CD164: variants seen among roughly 807,000 people sequenced by gnomAD.
CD164 encodes the protein sialomucin core protein 24.
Under a neutral mutation model 24.6 loss-of-function variants are expected in CD164, and 11 were observed. The observed-to-expected ratio is 0.45, with a 90% confidence interval of 0.28 to 0.74. CD164 has a LOEUF of 0.74. Ranked by LOEUF, CD164 falls within the 30% of genes least tolerant of loss-of-function variation. CD164 has a pLI of 0.13. For missense variants in CD164, 295 were observed against 243.7 expected (o/e 1.21, Z -1.40); for synonymous variants, 126 against 100.3 (o/e 1.26, Z -1.53).
intron 1 of CD164, among the ~76,000 whole-genome samples, chr6:109,380,711 A>C (rs899060095): frequency 5.3e-5 from 8 of 152,236 alleles, no homozygotes; most frequent in African/African-American, 1.9e-4. Context: ...ACCACACTAC[A>C]TCCACTTATG....
In CD164 at chr6:109,376,039, G is replaced by C. The variant is rs554090332; in HGVS notation, c.370+35C>G. On this transcript the variant is annotated intron_variant, in intron 4 of 5. Transcript: ENST00000310786. ...TCCATCAAGAAAGCTTAAAAATACTGAAGGAAAAGGAAGAAAACAGTCATC... is the reference window on the plus strand; with the variant it reads ...TCCATCAAGAAAGCTTAAAAATACTCAAGGAAAAGGAAGAAAACAGTCATC... The C allele has an allele frequency of 1.1e-5, 16 of 1,510,462 alleles. No individual in the cohort carries two copies. The South Asian group carries it at 1.5e-4, about 14-fold the overall frequency. The allele number at this position is 1,510,462 out of a possible 1,614,324, so 93.6% of individuals were successfully genotyped here.
At chr6:109,371,848 A>C (rs562984257) in intron 4 of CD164, 13 of 152,864 alleles carry the variant, frequency 8.5e-5, no homozygotes, top group African/African-American at 2.9e-4. Flanking sequence ...CAAGGGCTTC[A>C]ATATGAGGAT....
At position 109,370,144 on chromosome 6, in the gene CD164, G is replaced by T. The variant is rs561556903; in HGVS notation, c.427+267C>A. The stretch of plus-strand genomic sequence containing the variant: ...ACAAATTAGATTTTACATACAAGTT[G>T]TACTGAAATGTTTGGAAAAACATTA... On this transcript the variant is annotated intron_variant, in intron 5 of 5. Coordinates refer to ENST00000310786, the MANE Select transcript of CD164 (RefSeq NM_006016.6). 1.3e-4 allele frequency among the ~76,000 whole-genome samples: 20 copies of T among 152,238 alleles called. No individual in the cohort carries two copies. In the South Asian group the frequency reaches 2.9e-3, roughly 22 times the overall value.
Position 109,382,310 on chromosome 6 carries a change from C to G in CD164, c.69G>C (p.Ala23=), listed in dbSNP as rs1277361996. The G allele has an allele frequency of 6.3e-7, 1 of 1,579,952 alleles. No homozygotes were observed. Among genetic ancestry groups the G allele is most frequent in the East Asian group, 2.3e-5 (1 of 43,202 alleles). Residue 23 remains alanine, a synonymous_variant, in exon 1 of 6, where the codon GCG becomes GCC. Transcript: ENST00000310786. ...TCGGGTGCTGGGTCGTGTTCTTGTC[C>G]GCGGACAGCACGCAGAGCACGCCCA... ...TCLGVLCVLS[A]DKNTTQHPNV... is the part of the protein sequence containing the mutation.
At chr6:109,376,493 A>C (rs1771416707) in intron 3 of CD164, among the ~76,000 whole-genome samples, 1 of 152,236 alleles carries the variant, frequency 6.6e-6, no homozygotes, top group South Asian at 2.1e-4. Context: ...CTTGGACAGT[A>C]GGGTCAAAGC....
At position 109,367,737 on chromosome 6, in the gene CD164, T is replaced by C. The variant is rs1041282470; in HGVS notation, c.*1114A>G. 8 of 152,590 alleles carry C rather than the reference T, an allele frequency of 5.2e-5. No homozygotes were observed. The highest frequency in any genetic ancestry group is 1.7e-4 in the African/African-American group (7 of 41,454). 9.5% of individuals were successfully genotyped at this position (152,590 alleles called of 1,614,324 possible). On this transcript the variant is annotated 3_prime_UTR_variant, in exon 6 of 6. Coordinates refer to ENST00000310786, the MANE Select transcript of CD164 (RefSeq NM_006016.6). ...TCTGTTATCTTAAAACTTAAAATGA[T>C]TGTCTCATTTAAAATAAATGATTCT...
chr6:109,376,122 A>G lies in CD164; in HGVS notation c.332-10T>C. 1.3e-6 allele frequency: 2 copies of G among 1,555,576 alleles called. No homozygotes were observed. Among genetic ancestry groups the G allele is most frequent in the Non-Finnish European group, 1.7e-6 (2 of 1,160,390 alleles). ...GGAGTGGCCGTGGAAACTATTAAAA[A>G]AAGAAAAAAGAAAAACCATATACAT... On this transcript the variant is annotated splice_polypyrimidine_tract_variant and intron_variant, in intron 3 of 5. Coordinates refer to ENST00000310786, the MANE Select transcript of CD164 (RefSeq NM_006016.6).
chr6:109,379,395 G>A (rs1421755573), intron 2 of CD164, among the ~76,000 whole-genome samples, 184 bp downstream of exon 2: 1 of 152,158 alleles, frequency 6.6e-6, no homozygotes, highest in Admixed American at 6.5e-5. Context: ...CTAAAGGGAG[G>A]ATGGGAGACA....
rs1046661089 is a variant in CD164, at chr6:109,379,735, T to C, written c.176-73A>G. 4 of 1,155,130 alleles carry C rather than the reference T, an allele frequency of 3.5e-6. 1 individual carries two copies. The highest frequency in any genetic ancestry group is 3.1e-5 in the African/African-American group (2 of 64,530). The allele number at this position is 1,155,130 out of a possible 1,614,324, so 71.6% of individuals were successfully genotyped here. A position where few individuals can be genotyped will look rare whatever the true frequency, so the allele number is the denominator to read the frequency against. On this transcript the variant is annotated intron_variant, in intron 1 of 5. Transcript: ENST00000310786. ...ATCTTATTTGAATCTGTATTACTTA[T>C]CTTTTTGAACAATAAGCATTACATA...
Position 109,377,982 on chromosome 6 carries a change from G to A in CD164, c.260-11C>T, listed in dbSNP as rs1562242001. ...AACAATAGCTCTCATCTGTTGGGGG[G>A]CAGGGGAAAAGAGACAAACAGCATC... On this transcript the variant is annotated splice_polypyrimidine_tract_variant and intron_variant, in intron 2 of 5. Coordinates refer to ENST00000310786, the MANE Select transcript of CD164 (RefSeq NM_006016.6). 6 of 1,610,188 alleles carry A rather than the reference G, an allele frequency of 3.7e-6. No homozygotes were observed. Among genetic ancestry groups the A allele is most frequent in the Admixed American group, 3.3e-5 (2 of 60,004 alleles).
At chr6:109,375,368 G>A (rs1771334214) in intron 4 of CD164, among the ~76,000 whole-genome samples, 1 of 152,006 alleles carries the variant, frequency 6.6e-6, no homozygotes, top group Non-Finnish European at 1.5e-5. Flanking sequence ...TGTAATCCCG[G>A]CTCTTTGGGA....
chr6:109,368,485 A>T lies in CD164; in HGVS notation c.*366T>A, dbSNP rs1215818641. On this transcript the variant is annotated 3_prime_UTR_variant, in exon 6 of 6. Coordinates refer to ENST00000310786, the MANE Select transcript of CD164 (RefSeq NM_006016.6). ...ACGTTCTTCTCAATTCTGTTCACTA[A>T]ATTAAAATTACTAAATTTAAACTGC... is the stretch of plus-strand genomic sequence containing the variant. 2 of 1,354,720 alleles carry T rather than the reference A, an allele frequency of 1.5e-6. No individual in the cohort carries two copies. The highest frequency in any genetic ancestry group is 3.0e-5 in the African/African-American group (2 of 66,016). 83.9% of individuals were successfully genotyped at this position (1,354,720 alleles called of 1,614,324 possible).
rs758810297 is a variant in CD164, at chr6:109,368,196, G to A, written c.*655C>T. ...GAGCTTACCTTTCACTGTCTTCTAA[G>A]GCACTGTTCTTTATATTCTCAATGA... On this transcript the variant is annotated 3_prime_UTR_variant, in exon 6 of 6. Transcript: ENST00000310786. 13 of 1,265,070 alleles carry A rather than the reference G, an allele frequency of 1.0e-5. No homozygotes were observed. Among genetic ancestry groups the A allele is most frequent in the African/African-American group, 1.6e-5 (1 of 63,948 alleles). The allele number at this position is 1,265,070 out of a possible 1,614,324, so 78.4% of individuals were successfully genotyped here.
In CD164 at chr6:109,376,060, TC is replaced by T. The variant is rs745564185; in HGVS notation, c.370+13del. On this transcript the variant is annotated intron_variant, in intron 4 of 5. Coordinates refer to ENST00000310786, the MANE Select transcript of CD164 (RefSeq NM_006016.6). ...TACTGAAGGAAAAGGAAGAAAACAG[TC>T]ATCTTGAATTACCTGTAGAATTGGC... is the stretch of plus-strand genomic sequence containing the variant. 2 of 1,558,976 alleles carry T rather than the reference TC, an allele frequency of 1.3e-6. No homozygotes were observed. The highest frequency in any genetic ancestry group is 2.4e-5 in the South Asian group (2 of 82,016).
In CD164 at chr6:109,367,944, T is replaced by C; in HGVS notation, c.*907A>G. On this transcript the variant is annotated 3_prime_UTR_variant, in exon 6 of 6. Transcript: ENST00000310786. Reference sequence around the variant, plus strand: ...GTGTAATTAAATCAATTTAGCTCTATACTTTTCAACAGCCATAAGAAAAAT... The same window carrying C: ...GTGTAATTAAATCAATTTAGCTCTACACTTTTCAACAGCCATAAGAAAAAT... 1 of 189,002 alleles carries C rather than the reference T, an allele frequency of 5.3e-6. No homozygotes were observed. The highest frequency in any genetic ancestry group is 1.1e-5 in the Non-Finnish European group (1 of 92,306). The allele number at this position is 189,002 out of a possible 1,614,324, so 11.7% of individuals were successfully genotyped here. A position where few individuals can be genotyped will look rare whatever the true frequency, so the allele number is the denominator to read the frequency against.
chr6:109,377,411 G>A (rs1036587651), intron 3 of CD164, among the ~76,000 whole-genome samples: 1 of 152,058 alleles, frequency 6.6e-6, no homozygotes, highest in Admixed American at 6.6e-5. Flanking sequence ...GAATTTTAAC[G>A]TTTTGCTGGA....
Position 109,377,910 on chromosome 6 carries a change from G to A in CD164, c.321C>T (p.Asp107=), listed in dbSNP as rs762644274. The A allele has an allele frequency of 6.2e-7, 1 of 1,612,628 alleles. No individual in the cohort carries two copies. The highest frequency in any genetic ancestry group is 8.5e-7 in the Non-Finnish European group (1 of 1,178,762). ...VSDCQVGNTT[D]FCSVSTATPV... is the part of the protein sequence containing the mutation. ...AATATGAATACTTACCGGAACAGAAGTCTGTCGTGTTCCCCACTTGACAAT... is the reference window on the plus strand; with the variant it reads ...AATATGAATACTTACCGGAACAGAAATCTGTCGTGTTCCCCACTTGACAAT... Residue 107 remains aspartate (D), a synonymous_variant, in exon 3 of 6, where the codon GAC becomes GAT. Coordinates refer to ENST00000310786, the MANE Select transcript of CD164 (RefSeq NM_006016.6).
chr6:109,366,711 G>C lies in CD164; in HGVS notation c.*2140C>G, dbSNP rs1390801576. ...CAAATCAGATGAAAAATCTGAAAAG[G>C]TTTCTATATACCTTCTGGATTTTAA... On this transcript the variant is annotated 3_prime_UTR_variant, in exon 6 of 6. Transcript: ENST00000310786. 2 of 151,942 alleles carry C rather than the reference G, an allele frequency of 1.3e-5. No individual in the cohort carries two copies. Among genetic ancestry groups the C allele is most frequent in the African/African-American group, 4.9e-5 (2 of 40,934 alleles). The allele number at this position is 151,942 out of a possible 1,614,324, so 9.4% of individuals were successfully genotyped here.
At position 109,379,609 on chromosome 6, in the gene CD164, T is replaced by A; in HGVS notation, c.229A>T (p.Asn77Tyr). 6.2e-7 allele frequency: 1 copy of A among 1,613,652 alleles called. No homozygotes were observed. Among genetic ancestry groups the A allele is most frequent in the Non-Finnish European group, 8.5e-7 (1 of 1,179,844 alleles). The change falls in exon 2 of 6, where the codon AAT (asparagine) becomes TAT (tyrosine). Residue 77 changes from asparagine to tyrosine, a missense_variant. Physicochemically the swap from Asn to Tyr is moderately radical, Grantham distance 143. Transcript: ENST00000310786. Reference protein sequence around the residue: ...CVSCFNVSVVNTTCFWIECKD... With the variant: ...CVSCFNVSVVYTTCFWIECKD... ...CATTCTATCCAAAAGCAGGTAGTAT[T>A]AACAACGCTAACATTAAAACAGGAA...
Sources: allele counts gnomAD v4.1 joint callset (sites outside exome capture counted in the v4.1 genomes callset), GRCh38; gene constraint gnomAD v4.1.1; transcripts MANE v1.5; gene names NCBI Gene and HGNC (gene_info 2026-07-23, HGNC 2026-07-21).